Variants in SGCG observed in about 807,000 individuals in gnomAD.
SGCG encodes the protein sarcoglycan gamma, also known as gamma-sarcoglycan.
A neutral mutation model predicts 29.3 loss-of-function variants in SGCG; 26 were observed. That is an observed-to-expected ratio of 0.89 (90% CI 0.65 to 1.23). SGCG has a LOEUF of 1.23. Ranked by LOEUF, SGCG falls within the 50% of genes most tolerant of loss-of-function variation. The pLI, the probability that SGCG is intolerant of heterozygous loss-of-function variation, is 0.00. For synonymous variants in SGCG, 145 were observed against 129.7 expected, an observed-to-expected ratio of 1.12 and a Z score of -0.80; for missense variants, 353 against 356.0, an observed-to-expected ratio of 0.99 and a Z score of 0.07.
At chr13:23,322,427 A>G (rs1160121120) in intron 7 of SGCG, among the ~76,000 whole-genome samples, 1 of 152,110 alleles carries the variant, frequency 6.6e-6, no homozygotes, top group Non-Finnish European at 1.5e-5. Flanking sequence ...ATTTAACCCA[A>G]AACAAAGGGC....
intron 3 of SGCG, among the ~76,000 whole-genome samples, chr13:23,237,392 G>A (rs543182345): frequency 5.9e-5 from 9 of 152,136 alleles, no homozygotes; most frequent in African/African-American, 2.2e-4. Flanking sequence ...GCCCTGAAAA[G>A]AAGCTTTAGC....
intron 2 of SGCG, among the ~76,000 whole-genome samples, chr13:23,222,354 T>C (rs183511858): frequency 1.3e-3 from 176 of 139,510 alleles, no homozygotes; most frequent in Non-Finnish European, 1.8e-3. Context: ...GACATGCAGA[T>C]GTTCTTTGTC....
the SGCG span, among the ~76,000 whole-genome samples, chr13:23,170,256 A>AT: frequency 6.6e-6 from 1 of 152,226 alleles, no homozygotes; most frequent in Non-Finnish European, 1.5e-5. Context: ...TGGGTGATAT[A>AT]TTTAATGTAC....
intron 6 of SGCG, among the ~76,000 whole-genome samples, chr13:23,314,162 T>TAGAG (rs143614282): frequency 0.085 from 12,612 of 148,854 alleles, 779 homozygotes; most frequent in Non-Finnish European, 0.13. Flanking sequence ...GCTATATATA[T>TAGAG]AGAGTTTTGA....
At chr13:23,166,339 G>A in the SGCG span, among the ~76,000 whole-genome samples, 1 of 152,050 alleles carries the variant, frequency 6.6e-6, no homozygotes, top group Non-Finnish European at 1.5e-5. Flanking sequence ...GGGACTACAG[G>A]CACACGCCAC....
At chr13:23,284,692 G>A (rs528690610) in intron 5 of SGCG, among the ~76,000 whole-genome samples, 2 of 152,236 alleles carry the variant, frequency 1.3e-5, no homozygotes, top group Middle Eastern at 3.4e-3. Flanking sequence ...AGGCATTCTG[G>A]TTTTTGGAAT....
chr13:23,242,870 A>G (rs1164965581), intron 3 of SGCG, among the ~76,000 whole-genome samples: 3 of 152,112 alleles, frequency 2.0e-5, no homozygotes, highest in Non-Finnish European at 4.4e-5. Context: ...TAAAAAGTCA[A>G]AAAACAAAAA....
At chr13:23,319,795 A>C (rs567790883) in intron 6 of SGCG, among the ~76,000 whole-genome samples, 2 of 152,298 alleles carry the variant, frequency 1.3e-5, no homozygotes, top group East Asian at 1.9e-4. Context: ...TGAGCAGCTG[A>C]AAAGTGTTTC....
At chr13:23,163,634 A>G in the SGCG span, among the ~76,000 whole-genome samples, 1 of 152,218 alleles carries the variant, frequency 6.6e-6, no homozygotes, top group Non-Finnish European at 1.5e-5. Flanking sequence ...TGAAAGCTGA[A>G]CTGGACAAGT....
At chr13:23,177,938 C>G (rs1876613106), upstream of SGCG, among the ~76,000 whole-genome samples, 1 of 151,984 alleles carries the variant, frequency 6.6e-6, no homozygotes, top group African/African-American at 2.4e-5. Flanking sequence ...TGGGAGGTAA[C>G]CCTAGTCAAA....
intron 5 of SGCG, among the ~76,000 whole-genome samples, chr13:23,291,733 T>C (rs1316189690): frequency 6.6e-6 from 1 of 152,236 alleles, no homozygotes; most frequent in African/African-American, 2.4e-5. Flanking sequence ...GTAATTGGCA[T>C]GCATTTAAAA....
the SGCG span, among the ~76,000 whole-genome samples, chr13:23,164,945 C>G: frequency 6.6e-6 from 1 of 152,166 alleles, no homozygotes; most frequent in Non-Finnish European, 1.5e-5. Context: ...CACCCTTTCC[C>G]TTCCCATTTT....
chr13:23,229,649 G>T (rs1324892292), intron 2 of SGCG, among the ~76,000 whole-genome samples: 2 of 152,026 alleles, frequency 1.3e-5, no homozygotes, highest in Non-Finnish European at 2.9e-5. Flanking sequence ...TTCTTCATTT[G>T]TATGTTTAAG....
intron 5 of SGCG, among the ~76,000 whole-genome samples, chr13:23,283,392 T>G (rs9580591): frequency 0.43 from 65,852 of 151,986 alleles, 15,097 homozygotes; most frequent in Middle Eastern, 0.65. Context: ...TGTCTTTTTT[T>G]ATCTTTGTTG....
intron 4 of SGCG, among the ~76,000 whole-genome samples, chr13:23,274,395 C>CTTTTTTT (rs869153381): frequency 4.8e-4 from 41 of 85,224 alleles, no homozygotes; most frequent in African/African-American, 6.9e-4. Flanking sequence ...CTTTCTTTCT[C>CTTTTTTT]TTTTTTTTTT....
intron 7 of SGCG, among the ~76,000 whole-genome samples, chr13:23,321,186 T>C (rs1352999071): frequency 3.3e-5 from 5 of 152,110 alleles, no homozygotes. Flanking sequence ...CCAGTTTAAA[T>C]GAAAATGAAA....
At chr13:23,222,304 T>C (rs1041275995) in intron 2 of SGCG, among the ~76,000 whole-genome samples, 6 of 152,208 alleles carry the variant, frequency 3.9e-5, no homozygotes, top group Admixed American at 3.9e-4. Context: ...CTTAAAATGG[T>C]TTTCTGTGCC....
intron 4 of SGCG, among the ~76,000 whole-genome samples, chr13:23,275,649 C>T (rs887292800): frequency 3.3e-5 from 5 of 152,166 alleles, no homozygotes; most frequent in African/African-American, 9.7e-5. Flanking sequence ...AATTCTCAAG[C>T]CTGGTCTCTT....
intron 4 of SGCG, among the ~76,000 whole-genome samples, chr13:23,259,733 G>A (rs1324793632): frequency 1.3e-5 from 2 of 152,114 alleles, no homozygotes; most frequent in Admixed American, 6.6e-5. Flanking sequence ...CAGAGATTCT[G>A]GTACATTGTG....
Sources: allele counts gnomAD v4.1 joint callset (sites outside exome capture counted in the v4.1 genomes callset), GRCh38; gene constraint gnomAD v4.1.1; transcripts MANE v1.5; gene names NCBI Gene and HGNC (gene_info 2026-07-23, HGNC 2026-07-21).